The following MYO3B variants were observed in gnomAD, a reference collection of about 807,000 sequenced individuals.
MYO3B encodes myosin IIIB.
A neutral mutation model predicts 174.6 loss-of-function variants in MYO3B; 156 were observed. That is an observed-to-expected ratio of 0.89 (90% CI 0.78 to 1.02). MYO3B has a LOEUF of 1.02. Ranked by LOEUF, MYO3B falls within the 50% of genes least tolerant of loss-of-function variation. MYO3B has a pLI of 0.00. For synonymous variants in MYO3B, 563 were observed against 569.1 expected (o/e 0.99, Z 0.15); for missense variants, 1,632 against 1,639.4 (o/e 1.00, Z 0.08).
At chr2:170,221,849 T>C (rs113376931) in intron 6 of MYO3B, among the ~76,000 whole-genome samples, 124 of 152,256 alleles carry the variant, frequency 8.1e-4, no homozygotes, top group Non-Finnish European at 1.2e-3. Context: ...CTACAGGGCA[T>C]GCCCCAACAT....
At chr2:170,597,657 A>T (rs555116152) in intron 32 of MYO3B, among the ~76,000 whole-genome samples, 1 of 152,284 alleles carries the variant, frequency 6.6e-6, no homozygotes, top group Admixed American at 6.5e-5. Flanking sequence ...AAAAAAGAAA[A>T]GATGGTCTCA....
At chr2:170,238,733 C>A (rs544341452) in intron 7 of MYO3B, among the ~76,000 whole-genome samples, 1 of 151,428 alleles carries the variant, frequency 6.6e-6, no homozygotes, top group Non-Finnish European at 1.5e-5. Flanking sequence ...GTGCTGGTTA[C>A]CTGTGAGCCT....
At chr2:170,504,697 C>G (rs1309423024) in intron 28 of MYO3B, among the ~76,000 whole-genome samples, 1 of 152,196 alleles carries the variant, frequency 6.6e-6, no homozygotes, top group Non-Finnish European at 1.5e-5. Flanking sequence ...GTTATCGGGC[C>G]CTCCTCCAGG....
intron 22 of MYO3B, among the ~76,000 whole-genome samples, chr2:170,442,654 C>A (rs150649840): frequency 6.6e-6 from 1 of 151,860 alleles, no homozygotes; most frequent in Non-Finnish European, 1.5e-5. Flanking sequence ...CCTCCCCACT[C>A]CCCCCACTCC....
At chr2:170,404,994 G>A (rs1173030593) in intron 20 of MYO3B, among the ~76,000 whole-genome samples, 2 of 152,208 alleles carry the variant, frequency 1.3e-5, no homozygotes, top group African/African-American at 4.8e-5. Context: ...CTTAGATTGC[G>A]AGGTGCTTGG....
chr2:170,561,526 T>C (rs917524136), intron 32 of MYO3B, among the ~76,000 whole-genome samples: 2 of 152,202 alleles, frequency 1.3e-5, no homozygotes, highest in Non-Finnish European at 2.9e-5. Flanking sequence ...TCTAGAAAAA[T>C]GCACAAATGT....
chr2:170,564,124 A>G (rs998483382), intron 32 of MYO3B, among the ~76,000 whole-genome samples: 3 of 152,172 alleles, frequency 2.0e-5, no homozygotes, highest in African/African-American at 7.2e-5. Context: ...GTCCTTCTTC[A>G]TGAGATATCA....
intron 32 of MYO3B, among the ~76,000 whole-genome samples, chr2:170,638,813 CTCTT>C (rs1252891678): frequency 2.6e-5 from 4 of 152,214 alleles, no homozygotes; most frequent in Non-Finnish European, 5.9e-5. Flanking sequence ...GTCCACCCCT[CTCTT>C]TATCATTTTA....
chr2:170,601,606 C>A, intron 32 of MYO3B: 2 of 1,194,232 alleles, frequency 1.7e-6, no homozygotes, highest in South Asian at 1.2e-5. Context: ...AGGCTAGAAC[C>A]AACTTATTCA....
intron 23 of MYO3B, among the ~76,000 whole-genome samples, chr2:170,456,066 G>A (rs1381527950): frequency 2.0e-5 from 3 of 152,108 alleles, no homozygotes; most frequent in Non-Finnish European, 4.4e-5. Context: ...GGGAATAGGG[G>A]AGAATCACAG....
At chr2:170,384,858 T>C (rs545841749) in intron 12 of MYO3B, among the ~76,000 whole-genome samples, 2 of 152,208 alleles carry the variant, frequency 1.3e-5, no homozygotes, top group South Asian at 4.2e-4. Context: ...TAGCACAGAC[T>C]CCACAGATTA....
At chr2:170,652,232 T>TGGCGG in intron 34 of MYO3B, 78 bp downstream of exon 34, 1 of 1,304,950 alleles carries the variant, frequency 7.7e-7, no homozygotes, top group Middle Eastern at 1.9e-4. Flanking sequence ...ATGCAAAACT[T>TGGCGG]TCCAGAGAGG....
intron 9 of MYO3B, among the ~76,000 whole-genome samples, chr2:170,372,141 A>AAAAAC (rs1327161775): frequency 6.7e-6 from 1 of 148,910 alleles, no homozygotes; most frequent in African/African-American, 2.4e-5. Context: ...AAAAAAAAAA[A>AAAAAC]AAAACAACAA....
chr2:170,615,830 TTTA>T (rs1200166533), intron 32 of MYO3B, among the ~76,000 whole-genome samples: 1 of 152,128 alleles, frequency 6.6e-6, no homozygotes, highest in African/African-American at 2.4e-5. Context: ...TATACCAGCG[TTTA>T]TTATTAAGTT....
rs765106564 is a variant in MYO3B at position 170,217,400 on chromosome 2, G to T, written c.603+5G>T. 1 of 1,611,686 alleles carries T rather than the reference G, an allele frequency of 6.2e-7. No individual in the cohort carries two copies. Among genetic ancestry groups the T allele is most frequent in the South Asian group, 1.1e-5 (1 of 90,996 alleles). On this transcript the variant is annotated splice_donor_5th_base_variant and intron_variant, in intron 6 of 34. Transcript: ENST00000408978. ...CCGTTCTGGATGGCCCCTGAGGTAA[G>T]CTGGAAATACCTAGTTCTTTCTTTG...
At chr2:170,540,802 A>G (rs1325167555) in intron 30 of MYO3B, among the ~76,000 whole-genome samples, 1 of 152,216 alleles carries the variant, frequency 6.6e-6, no homozygotes, top group Non-Finnish European at 1.5e-5. Flanking sequence ...GTGCCTCAAC[A>G]TGGTACAGAG....
chr2:170,318,565 G>A (rs980583542), intron 7 of MYO3B, among the ~76,000 whole-genome samples: 1 of 152,102 alleles, frequency 6.6e-6, no homozygotes, highest in Non-Finnish European at 1.5e-5. Context: ...TGATGTGAGT[G>A]GTCTCAAGCG....
At chr2:170,205,057 G>C (rs906163543) in intron 3 of MYO3B, among the ~76,000 whole-genome samples, 1 of 152,050 alleles carries the variant, frequency 6.6e-6, no homozygotes, top group East Asian at 1.9e-4. Context: ...AAAGTGTCCT[G>C]AGCAGTTTAA....
intron 32 of MYO3B, among the ~76,000 whole-genome samples, chr2:170,632,731 T>C (rs537923749): frequency 1.3e-5 from 2 of 152,066 alleles, no homozygotes; most frequent in Non-Finnish European, 2.9e-5. Context: ...ATTGATAGAC[T>C]GCTAGCAAGA....
Sources: gnomAD v4.1 joint callset for allele counts (sites outside exome capture counted in the v4.1 genomes callset) on GRCh38, gnomAD v4.1.1 for gene constraint, MANE v1.5 for transcripts, NCBI Gene and HGNC (gene_info 2026-07-23, HGNC 2026-07-21) for gene names.